ZNF69: variants seen among roughly 807,000 people sequenced by gnomAD.
ZNF69 encodes ZNF3.
ZNF69 carries 47 observed loss-of-function variants against 50.9 expected under a neutral mutation model. The observed-to-expected ratio is 0.92, with a 90% CI of 0.73 to 1.18. The LOEUF is 1.18. Ranked by LOEUF, ZNF69 falls within the 50% of genes most tolerant of loss-of-function variation. The pLI is 0.00. For missense variants in ZNF69, 717 were observed against 675.1 expected, an observed-to-expected ratio of 1.06 and a Z score of -0.69; for synonymous variants, 216 against 223.1, an observed-to-expected ratio of 0.97 and a Z score of 0.29.
the ZNF69 span, among the ~76,000 whole-genome samples, chr19:11,933,138 C>G: frequency 6.8e-6 from 1 of 147,360 alleles, no homozygotes; most frequent in Non-Finnish European, 1.5e-5. Context: ...TCTTGACTGG[C>G]CAGGTGCTGT....
chr19:11,969,311 G>A, the ZNF69 span, among the ~76,000 whole-genome samples: 46 of 152,106 alleles, frequency 3.0e-4, no homozygotes, highest in Non-Finnish European at 5.9e-4. Flanking sequence ...TATCACGTTC[G>A]CCAGGCTGGT....
chr19:11,918,682 C>T (rs368150902), downstream of ZNF69, among the ~76,000 whole-genome samples: 21 of 151,674 alleles, frequency 1.4e-4, no homozygotes, highest in Non-Finnish European at 2.2e-4. Flanking sequence ...CTCGAACTCC[C>T]GGGCTCAATC....
chr19:11,943,454 A>G, the ZNF69 span, among the ~76,000 whole-genome samples: 1 of 152,170 alleles, frequency 6.6e-6, no homozygotes, highest in Non-Finnish European at 1.5e-5. Context: ...GCTTGTAACC[A>G]TATGATCCGG....
the ZNF69 span, chr19:11,976,957 G>A: frequency 6.7e-5 from 106 of 1,580,624 alleles, 1 homozygote; most frequent in African/African-American, 2.9e-4. Context: ...TGGAGTCCAC[G>A]GCAACTTCTT....
the ZNF69 span, among the ~76,000 whole-genome samples, chr19:11,954,546 C>A: frequency 6.6e-6 from 1 of 152,256 alleles, no homozygotes; most frequent in South Asian, 2.1e-4. Flanking sequence ...AAGAATTATT[C>A]ATTGCTGGGC....
the ZNF69 span, among the ~76,000 whole-genome samples, chr19:11,957,305 A>G: frequency 6.6e-6 from 1 of 151,660 alleles, no homozygotes; most frequent in African/African-American, 2.4e-5. Context: ...CATGTTAGCC[A>G]GGATGATCTC....
the ZNF69 span, chr19:11,947,636 G>A: frequency 2.1e-6 from 3 of 1,423,004 alleles, no homozygotes; most frequent in Admixed American, 6.2e-5. Context: ...ATGAGAATAT[G>A]TTGAAGAGAA....
At chr19:11,899,086 C>T (rs975118808) in intron 1 of ZNF69, among the ~76,000 whole-genome samples, 2 of 152,164 alleles carry the variant, frequency 1.3e-5, no homozygotes, top group African/African-American at 4.8e-5. Context: ...CCCCTGTGCT[C>T]CTCCTAATTC....
At chr19:11,900,641 G>T (rs958342441) in intron 1 of ZNF69, among the ~76,000 whole-genome samples, 1 of 152,130 alleles carries the variant, frequency 6.6e-6, no homozygotes, top group Non-Finnish European at 1.5e-5. Flanking sequence ...ATGAGCCACC[G>T]TAACCGGCCT....
chr19:11,903,582 G>A lies in ZNF69; in HGVS notation c.73G>A (p.Ala25Thr), dbSNP rs1305292465. ...ATGTGAGATGTTTCAGGACCCAGTG[G>A]CCTTTGATGATGTTGCTGTGAACTT... ...TSESQEMDPV[A>T]FDDVAVNFTQ... The change falls in exon 2 of 4, where the codon GCC (alanine) becomes ACC (threonine). Residue 25 changes from alanine (A) to threonine (T), a missense_variant. Transcript: ENST00000429654. 2 of 1,614,034 alleles carry A rather than the reference G, an allele frequency of 1.2e-6. No homozygotes were observed. The highest frequency in any genetic ancestry group is 1.3e-5 in the African/African-American group (1 of 74,934).
the ZNF69 span, among the ~76,000 whole-genome samples, chr19:11,945,273 G>A: frequency 6.6e-6 from 1 of 152,162 alleles, no homozygotes; most frequent in Non-Finnish European, 1.5e-5. Flanking sequence ...TGCAAAGTTT[G>A]GGATCCACAG....
chr19:11,931,082 A>G, the ZNF69 span, among the ~76,000 whole-genome samples: 7 of 148,130 alleles, frequency 4.7e-5, no homozygotes, highest in Non-Finnish European at 7.4e-5. Context: ...GTCTGTTAAT[A>G]CCACTTTCTC....
chr19:11,927,845 G>T, the ZNF69 span, among the ~76,000 whole-genome samples: 1 of 152,174 alleles, frequency 6.6e-6, no homozygotes, highest in Non-Finnish European at 1.5e-5. Context: ...GACTGACAAG[G>T]AGTGTTTCTT....
At chr19:11,915,026 A>T (rs1177289523), downstream of ZNF69, among the ~76,000 whole-genome samples, 1 of 152,190 alleles carries the variant, frequency 6.6e-6, no homozygotes, top group African/African-American at 2.4e-5. Flanking sequence ...CAACATGGTG[A>T]AACCCTGTCT....
intron 3 of ZNF69, among the ~76,000 whole-genome samples, chr19:11,904,384 G>C (rs279206): frequency 0.036 from 5,487 of 152,182 alleles, 359 homozygotes; most frequent in African/African-American, 0.13. Flanking sequence ...CTAAATAAAA[G>C]AAAAATGACA....
At chr19:11,898,975 C>T (rs1297092327) in intron 1 of ZNF69, among the ~76,000 whole-genome samples, 1 of 152,216 alleles carries the variant, frequency 6.6e-6, no homozygotes, top group East Asian at 1.9e-4. Flanking sequence ...CCATCTTTTA[C>T]ATTAGGCTTC....
intron 1 of ZNF69, among the ~76,000 whole-genome samples, chr19:11,900,919 T>A (rs1972231209): frequency 6.6e-6 from 1 of 152,256 alleles, no homozygotes; most frequent in Admixed American, 6.5e-5. Context: ...CTTGGTTTTC[T>A]CAGTGTTACG....
the ZNF69 span, among the ~76,000 whole-genome samples, chr19:11,940,256 A>T: frequency 6.6e-6 from 1 of 152,174 alleles, no homozygotes; most frequent in Non-Finnish European, 1.5e-5. Flanking sequence ...AGTATAAATA[A>T]TATTTCAATG....
the ZNF69 span, chr19:11,949,230 C>T: frequency 1.2e-6 from 2 of 1,613,696 alleles, no homozygotes; most frequent in South Asian, 1.1e-5. Flanking sequence ...TCAATCTTTC[C>T]AGTTCCTTTC....
Sources: allele counts gnomAD v4.1 joint callset (sites outside exome capture counted in the v4.1 genomes callset), GRCh38; gene constraint gnomAD v4.1.1; transcripts MANE v1.5; gene names NCBI Gene and HGNC (gene_info 2026-07-23, HGNC 2026-07-21).